FECH: variants seen among roughly 807,000 people sequenced by gnomAD.
The protein encoded by FECH is ferrochelatase, mitochondrial.
Under a neutral mutation model 56.9 loss-of-function variants are expected in FECH, and 40 were observed. The observed-to-expected ratio is 0.70, with a 90% CI of 0.55 to 0.92. FECH has a LOEUF of 0.92. Among genes scored for constraint, FECH ranks in the 40% least tolerant of loss-of-function variants. FECH has a pLI of 0.00. For missense variants in FECH, 431 were observed against 529.1 expected, an observed-to-expected ratio of 0.81 and a Z score of 1.82; for synonymous variants, 175 against 198.6, an observed-to-expected ratio of 0.88 and a Z score of 1.00.
At chr18:57,561,002 A>T (rs1023209181) in intron 6 of FECH, among the ~76,000 whole-genome samples, 1 of 152,172 alleles carries the variant, frequency 6.6e-6, no homozygotes, top group Admixed American at 6.5e-5. Context: ...AATTCTCAGC[A>T]AATGTGACAG....
chr18:57,570,655 A>T (rs56236084), intron 4 of FECH, among the ~76,000 whole-genome samples: 15,071 of 152,238 alleles, frequency 0.099, 757 homozygotes, highest in African/African-American at 0.12. Context: ...AACATTTCTC[A>T]TATCAGTTCA....
Position 57,586,576 on chromosome 18 carries a change from C to A in FECH, c.45G>T (p.Ala15=). ...TACGCGGATCGCGGAGCAGGACGCC[C>A]GCGGCGCGCAGGGCCGCAGCCATGT... ...GANMAAALRA[A]GVLLRDPLAS... The change falls in exon 1 of 11, where the codon GCG becomes GCT. Residue 15 remains alanine (A), a synonymous_variant. Coordinates refer to ENST00000262093, the MANE Select transcript of FECH (RefSeq NM_000140.5). 6.6e-7 allele frequency: 1 copy of A among 1,522,150 alleles called. No homozygotes were observed. Among genetic ancestry groups the A allele is most frequent in the Non-Finnish European group, 8.8e-7 (1 of 1,141,720 alleles). The allele number at this position is 1,522,150 out of a possible 1,614,324, so 94.3% of individuals were successfully genotyped here.
chr18:57,576,039 C>T (rs1470303684), intron 2 of FECH, among the ~76,000 whole-genome samples: 2 of 152,138 alleles, frequency 1.3e-5, no homozygotes, highest in African/African-American at 2.4e-5. Context: ...GCACTACTGA[C>T]GTTTGGGGCT....
At chr18:57,584,764 T>A (rs1322361047) in intron 1 of FECH, among the ~76,000 whole-genome samples, 1 of 151,404 alleles carries the variant, frequency 6.6e-6, no homozygotes, top group African/African-American at 2.4e-5. Flanking sequence ...CAAAATGTTC[T>A]AATGTCTCTT....
chr18:57,572,773 T>C (rs1318330116), intron 3 of FECH, among the ~76,000 whole-genome samples: 4 of 152,012 alleles, frequency 2.6e-5, no homozygotes, highest in Admixed American at 1.3e-4. Context: ...CTATTTGTAG[T>C]TTTTATCCCA....
rs770247369 is a variant in FECH, at chr18:57,550,711, G to A, written c.*1C>T. 2.5e-6 allele frequency: 4 copies of A among 1,614,064 alleles called. No homozygotes were observed. The highest frequency in any genetic ancestry group is 1.7e-4 in the Middle Eastern group (1 of 6,060). The stretch of plus-strand genomic sequence containing the variant: ...AACGCCACGGGGTCCACCGGCGGGG[G>A]TCACAGCTGCTGGCTGGTGAAGAAG... On this transcript the variant is annotated 3_prime_UTR_variant, in exon 11 of 11. Transcript: ENST00000262093.
chr18:57,583,589 T>C lies in FECH; in HGVS notation c.67+2965A>G, dbSNP rs147667544. Among the ~76,000 whole-genome samples, 465 of 152,342 alleles carry C rather than the reference T, an allele frequency of 3.1e-3. 10 individuals carry two copies. Among genetic ancestry groups the C allele is most frequent in the East Asian group, 0.026 (137 of 5,184 alleles). On this transcript the variant is annotated intron_variant, in intron 1 of 10. Transcript: ENST00000262093. The stretch of plus-strand genomic sequence containing the variant: ...AAGGGGTGAAGAATATCCAATAGTA[T>C]AGACTTGCCCATTTATGAACTAAGA...
At position 57,553,842 on chromosome 18, in the gene FECH, A is replaced by G. The variant is rs1469164; in HGVS notation, c.1077+418T>C. Among the ~76,000 whole-genome samples the G allele has an allele frequency of 9.5e-3, 1,450 of 152,378 alleles. 8 individuals carry two copies. The highest frequency in any genetic ancestry group is 0.027 in the Middle Eastern group (8 of 294). ...CCTATATGCCTTGACACTCAACAAG[A>G]AGCCATGTAATAATAGCCCTGAGTA... On this transcript the variant is annotated intron_variant, in intron 9 of 10. Transcript: ENST00000262093.
chr18:57,575,675 C>T (rs1599009129), intron 2 of FECH, among the ~76,000 whole-genome samples: 1 of 152,208 alleles, frequency 6.6e-6, no homozygotes, highest in East Asian at 1.9e-4. Context: ...ACTCCTGGCT[C>T]AGGCTCCCAA....
Position 57,545,318 on chromosome 18 carries a change from C to A in FECH, c.*5394G>T, listed in dbSNP as rs145935279. On this transcript the variant is annotated 3_prime_UTR_variant, in exon 11 of 11. Coordinates refer to ENST00000262093, the MANE Select transcript of FECH (RefSeq NM_000140.5). ...TACTGTAGCCTAATTTAGCCAATAG[C>A]TGTTATTCTAAAAATGGAAGCTAAT... Among the ~76,000 whole-genome samples the A allele has an allele frequency of 6.5e-3, 996 of 152,320 alleles. 15 individuals carry two copies. The highest frequency in any genetic ancestry group is 0.022 in the African/African-American group (900 of 41,574).
intron 4 of FECH, among the ~76,000 whole-genome samples, chr18:57,570,031 T>TTG (rs1317904142): frequency 2.5e-4 from 20 of 79,124 alleles, no homozygotes; most frequent in Admixed American, 9.5e-4. Context: ...GTTGTTGTTG[T>TTG]CGTGTGTGTG....
chr18:57,561,865 A>G (rs1330374703), intron 6 of FECH, among the ~76,000 whole-genome samples: 1 of 152,188 alleles, frequency 6.6e-6, no homozygotes, highest in East Asian at 1.9e-4. Context: ...CACAGCCATC[A>G]ATGGTGCACA....
rs1466636929 is a variant in FECH, at chr18:57,544,931, C to A, written c.*5781G>T. ...ACTTGAAATTTTAACAATTGGTTCA[C>A]AAGCCAACATGCCATGTGCCTGTGC... On this transcript the variant is annotated 3_prime_UTR_variant, in exon 11 of 11. Coordinates refer to ENST00000262093, the MANE Select transcript of FECH (RefSeq NM_000140.5). 3.3e-5 allele frequency among the ~76,000 whole-genome samples: 5 copies of A among 152,154 alleles called. No homozygotes were observed. Among genetic ancestry groups the A allele is most frequent in the Non-Finnish European group, 7.3e-5 (5 of 68,040 alleles).
chr18:57,550,746 T>C lies in FECH; in HGVS notation c.1238A>G (p.Glu413Gly). 1 of 1,614,102 alleles carries C rather than the reference T, an allele frequency of 6.2e-7. No homozygotes were observed. Among genetic ancestry groups the C allele is most frequent in the Non-Finnish European group, 8.5e-7 (1 of 1,179,998 alleles). The change falls in exon 11 of 11, where the codon GAG (glutamate) becomes GGG (glycine). Residue 413 changes from glutamate to glycine, a missense_variant. By Grantham distance (98) the Glu-to-Gly change is moderately conservative. Transcript: ENST00000262093. The part of the protein sequence containing the change: ...CPLCVNPVCR[E>G]TKSFFTSQQL ...CTGGCTGGTGAAGAAGGATTTAGTC[T>C]CCCTGCAGACAGGATTGACACAGAG...
chr18:57,579,287 A>ATC (rs201260921), intron 2 of FECH, among the ~76,000 whole-genome samples: 2 of 89,064 alleles, frequency 2.2e-5, no homozygotes, highest in Non-Finnish European at 5.2e-5. Context: ...GTGTGTGTAT[A>ATC]TATGTGTGTG....
At chr18:57,579,803 T>C (rs2051248546) in intron 2 of FECH, among the ~76,000 whole-genome samples, 1 of 152,224 alleles carries the variant, frequency 6.6e-6, no homozygotes, top group African/African-American at 2.4e-5. Context: ...TTGTGTTATG[T>C]GACATATTCC....
intron 7 of FECH, among the ~76,000 whole-genome samples, 167 bp downstream of exon 7, chr18:57,558,978 A>C (rs2050903324): frequency 6.6e-6 from 1 of 152,244 alleles, no homozygotes; most frequent in Non-Finnish European, 1.5e-5. Context: ...ATTCATTGTT[A>C]CGAGGTTTTA....
intron 7 of FECH, among the ~76,000 whole-genome samples, chr18:57,558,227 G>C (rs961559212): frequency 6.6e-6 from 1 of 152,248 alleles, no homozygotes; most frequent in African/African-American, 2.4e-5. Context: ...GTTCTGAGCA[G>C]ATGAAACTGG....
At chr18:57,575,376 A>C (rs1459465485) in intron 2 of FECH, among the ~76,000 whole-genome samples, 2 of 152,216 alleles carry the variant, frequency 1.3e-5, no homozygotes, top group African/African-American at 4.8e-5. Flanking sequence ...TGCTGCTGAG[A>C]CAGAGCCTGT....
Sources: gnomAD v4.1 joint callset for allele counts (sites outside exome capture counted in the v4.1 genomes callset) on GRCh38, gnomAD v4.1.1 for gene constraint, MANE v1.5 for transcripts, NCBI Gene and HGNC (gene_info 2026-07-23, HGNC 2026-07-21) for gene names.